Variants in ACTN3 observed in about 807,000 individuals in gnomAD.
ACTN3 encodes alpha-actinin-3.
Under a neutral mutation model 119.6 loss-of-function variants are expected in ACTN3, and 91 were observed. The observed-to-expected ratio is 0.76, with a 90% CI of 0.64 to 0.91. ACTN3 has a LOEUF of 0.91. ACTN3 is among the 40% of genes least tolerant of loss of function. The pLI, the probability that ACTN3 is intolerant of heterozygous loss-of-function variation, is 0.00. For synonymous variants in ACTN3, 456 were observed against 478.8 expected, an observed-to-expected ratio of 0.95 and a Z score of 0.62; for missense variants, 1,221 against 1,215.1, an observed-to-expected ratio of 1.00 and a Z score of -0.07.
Position 66,551,208 on chromosome 11 carries a change from G to A in ACTN3, c.148-31G>A, listed in dbSNP as rs745322525. The A allele has an allele frequency of 7.3e-6, 11 of 1,514,588 alleles. No individual in the cohort carries two copies. In the Admixed American group the frequency reaches 7.3e-5, roughly 10 times the overall value. The allele number at this position is 1,514,588 out of a possible 1,614,324, so 93.8% of individuals were successfully genotyped here. ...TGCCCTACATCCCCCAGAGCCAGTCGTAGGGTTTGAGTGCTGTCCTCTGCC... is the reference window on the plus strand; with the variant it reads ...TGCCCTACATCCCCCAGAGCCAGTCATAGGGTTTGAGTGCTGTCCTCTGCC... On this transcript the variant is annotated intron_variant, in intron 1 of 20. Transcript: ENST00000513398.
At chr11:66,561,831 T>C (rs763262035) in intron 17 of ACTN3, among the ~76,000 whole-genome samples, 191 bp from the exon 18 acceptor site, 3 of 149,228 alleles carry the variant, frequency 2.0e-5, no homozygotes, top group African/African-American at 5.0e-5. Context: ...AGATTGGCCA[T>C]AGCTGGTTAT....
In ACTN3 at chr11:66,559,973, TGGACTACCACGA is replaced by T. The variant is rs1565308461; in HGVS notation, c.1436_1447del (p.Asp479_Glu482del). On this transcript the variant is annotated inframe_deletion, in exon 13 of 21. Coordinates refer to ENST00000513398, the MANE Select transcript of ACTN3 (RefSeq NM_001104.4). ...GCCCTACTTCTCGCTCCCAGTGAGC[TGGACTACCACGA>T]GGCAGCCTCAGTGAATAGCCGCTGC... 1 of 1,594,822 alleles carries T rather than the reference TGGACTACCACGA, an allele frequency of 6.3e-7. No homozygotes were observed. The highest frequency in any genetic ancestry group is 1.3e-5 in the African/African-American group (1 of 74,550).
At chr11:66,559,852 G>C in intron 12 of ACTN3, 116 bp from the exon 13 acceptor site, 1 of 1,032,722 alleles carries the variant, frequency 9.7e-7, no homozygotes, top group Non-Finnish European at 1.5e-6. Context: ...CCCACCACCT[G>C]CCCTGGCTCC....
At chr11:66,560,118 T>TTGGGGGGGC in intron 13 of ACTN3, 42 bp downstream of exon 13, 1 of 1,466,454 alleles carries the variant, frequency 6.8e-7, no homozygotes, top group Non-Finnish European at 9.2e-7. Flanking sequence ...GGTAGGTGGG[T>TTGGGGGGGC]GAGGCCAGGT....
At chr11:66,560,126 G>A (rs1356382685) in intron 13 of ACTN3, 45 bp from the exon 14 acceptor site, 2 of 1,555,386 alleles carry the variant, frequency 1.3e-6, no homozygotes, top group African/African-American at 1.4e-5. Flanking sequence ...GGTGAGGCCA[G>A]GTCTGCAGGG....
intron 3 of ACTN3, 43 bp downstream of exon 3, chr11:66,551,690 C>G: frequency 3.7e-6 from 6 of 1,609,412 alleles, no homozygotes; most frequent in Non-Finnish European, 5.1e-6. Flanking sequence ...GCACAGGGGC[C>G]TCTCTTGACA....
chr11:66,547,441 A>AC (rs1857378532), intron 1 of ACTN3, among the ~76,000 whole-genome samples: 1 of 151,900 alleles, frequency 6.6e-6, no homozygotes, highest in Non-Finnish European at 1.5e-5. Context: ...ATATTCCCAG[A>AC]CCCCACCCTG....
chr11:66,555,461 G>A, intron 7 of ACTN3, 94 bp downstream of exon 7: 1 of 1,344,638 alleles, frequency 7.4e-7, no homozygotes, highest in Non-Finnish European at 1.0e-6. Flanking sequence ...CCTCCTCCTG[G>A]GATGCTCCGA....
At chr11:66,553,942 G>T in intron 3 of ACTN3, 103 bp from the exon 4 acceptor site, 1 of 844,208 alleles carries the variant, frequency 1.2e-6, no homozygotes, top group East Asian at 2.7e-5. Flanking sequence ...CCTGAAATGG[G>T]AGACAAGGGC....
chr11:66,555,321 G>A lies in ACTN3; in HGVS notation c.672G>A (p.Glu224=), dbSNP rs376771744. 1.2e-6 allele frequency: 2 copies of A among 1,614,092 alleles called. No individual in the cohort carries two copies. Among genetic ancestry groups the A allele is most frequent in the Admixed American group, 1.7e-5 (1 of 60,020 alleles). The change falls in exon 7 of 21, where the codon GAG becomes GAA. Residue 224 remains glutamate, a synonymous_variant. Transcript: ENST00000513398. ...TCGGAAACCTGAACACTGCCTTTGA[G>A]GTGGCAGAGAAATACCTGGACATCC... is the stretch of plus-strand genomic sequence containing the variant. ...DPIGNLNTAF[E]VAEKYLDIPK...
intron 14 of ACTN3, 63 bp from the exon 15 acceptor site, chr11:66,560,510 C>T (rs1857728750): frequency 1.3e-6 from 2 of 1,549,622 alleles, no homozygotes; most frequent in Admixed American, 1.8e-5. Flanking sequence ...CACACTGCTG[C>T]CCTTTCTGTT....
In ACTN3 at chr11:66,548,376, G is replaced by A. The variant is rs1214561622; in HGVS notation, c.147+1292G>A. On this transcript the variant is annotated intron_variant, in intron 1 of 20. Coordinates refer to ENST00000513398, the MANE Select transcript of ACTN3 (RefSeq NM_001104.4). ...TCCTATCCCTACCCCCACCCACCCG[G>A]GCCTCTCCGAGATCCAGGTCTGCGT... is the stretch of plus-strand genomic sequence containing the variant. Among the ~76,000 whole-genome samples the A allele has an allele frequency of 2.0e-5, 3 of 151,938 alleles. No homozygotes were observed. The East Asian group carries it at 5.8e-4, about 29-fold the overall frequency.
rs1418040095 is a variant in ACTN3 at position 66,562,849 on chromosome 11, G to A, written c.2442G>A (p.Gly814=). 6 of 1,613,702 alleles carry A rather than the reference G, an allele frequency of 3.7e-6. No homozygotes were observed. The Admixed American group carries it at 6.7e-5, about 18-fold the overall frequency. The change falls in exon 20 of 21, where the codon GGG becomes GGA. Residue 814 remains glycine (G), a synonymous_variant. Transcript: ENST00000513398. ...CCATGGTGGACCCCAACGCAGCTGG[G>A]GTGGTGACCTTCCAGGCCTTCATAG... is the stretch of plus-strand genomic sequence containing the variant. ...IMTMVDPNAA[G]VVTFQAFIDF... is the part of the protein sequence containing the mutation.
rs779305123 is a variant in ACTN3, at chr11:66,547,009, C to T, written c.72C>T (p.Gly24=). The part of the protein sequence containing the change: ...EGRFAGGGGG[G]EYMEQEEDWD... ...GCTTTGCGGGCGGCGGCGGGGGCGG[C>T]GAGTACATGGAACAGGAGGAGGACT... Residue 24 remains glycine, a synonymous_variant, in exon 1 of 21, where the codon GGC becomes GGT. Coordinates refer to ENST00000513398, the MANE Select transcript of ACTN3 (RefSeq NM_001104.4). The T allele has an allele frequency of 3.3e-6, 5 of 1,523,034 alleles. No individual in the cohort carries two copies. In the African/African-American group the frequency reaches 4.2e-5, roughly 13 times the overall value. The allele number at this position is 1,523,034 out of a possible 1,614,324, so 94.3% of individuals were successfully genotyped here. A position where few individuals can be genotyped will look rare whatever the true frequency, so the allele number is the denominator to read the frequency against.
At chr11:66,558,844 A>G (rs1362629534) in intron 11 of ACTN3, 2 of 183,244 alleles carry the variant, frequency 1.1e-5, no homozygotes, top group African/African-American at 4.7e-5. Context: ...CTGACGCTAA[A>G]ATATTGCACG....
intron 11 of ACTN3, chr11:66,558,899 G>C (rs1281489729): frequency 3.8e-6 from 1 of 263,562 alleles, no homozygotes; most frequent in Non-Finnish European, 7.1e-6. Context: ...TCATTGTTCT[G>C]TCGAGGATTT....
upstream of ACTN3, chr11:66,546,741 GC>G (rs1857350721): frequency 1.3e-6 from 2 of 1,535,474 alleles, no homozygotes; most frequent in Non-Finnish European, 1.7e-6. Context: ...CCACCCCGGC[GC>G]CCCCGAGTCC....
At position 66,560,296 on chromosome 11, in the gene ACTN3, T is replaced by C; in HGVS notation, c.1662T>C (p.Ser554=). 1 of 1,613,058 alleles carries C rather than the reference T, an allele frequency of 6.2e-7. No homozygotes were observed. ...TGCAGGACGTGTGGCTGGTACACTC[T>C]GTGGAGGAGACCCAGGTGGGTGCCA... is the stretch of plus-strand genomic sequence containing the variant. The part of the protein sequence containing the change: ...EDLQDVWLVH[S]VEETQSLLTA... The change falls in exon 14 of 21, where the codon TCT becomes TCC. Residue 554 remains serine (S), a synonymous_variant. Transcript: ENST00000513398.
chr11:66,547,264 C>A (rs1857370728), intron 1 of ACTN3, 180 bp downstream of exon 1: 1 of 430,448 alleles, frequency 2.3e-6, no homozygotes, highest in African/African-American at 2.1e-5. Flanking sequence ...GGCTGGGAGC[C>A]CTCAAGAGGG....
Sources: gnomAD v4.1 joint callset for allele counts (sites outside exome capture counted in the v4.1 genomes callset) on GRCh38, gnomAD v4.1.1 for gene constraint, MANE v1.5 for transcripts, NCBI Gene and HGNC (gene_info 2026-07-23, HGNC 2026-07-21) for gene names.